Variants in IGF2R observed in about 807,000 individuals in gnomAD.
IGF2R encodes the protein insulin like growth factor 2 receptor.
In IGF2R, 91 loss-of-function variants were observed where a neutral mutation model predicts 270.6. The observed-to-expected ratio is 0.34, with a 90% CI of 0.28 to 0.40. The LOEUF (loss-of-function observed/expected upper bound fraction) is 0.40. Among genes scored for constraint, IGF2R ranks in the 10% least tolerant of loss-of-function variants. The probability of loss-of-function intolerance (pLI) is 1.00; values close to 1 mark genes in which losing one functional copy is unlikely to be tolerated. For missense variants in IGF2R, 2,805 were observed against 3,188.3 expected, an observed-to-expected ratio of 0.88 and a Z score of 2.90; for synonymous variants, 1,316 against 1,258.9, an observed-to-expected ratio of 1.05 and a Z score of -0.96.
Position 160,111,432 on chromosome 6 carries a change from C to T in IGF2R, c.*6348C>T, listed in dbSNP as rs1317605024. 6.6e-6 allele frequency: 1 copy of T among 152,078 alleles called. No individual in the cohort carries two copies. The highest frequency in any genetic ancestry group is 1.5e-5 in the Non-Finnish European group (1 of 68,042). The allele number at this position is 152,078 out of a possible 1,614,324, so 9.4% of individuals were successfully genotyped here. On this transcript the variant is annotated 3_prime_UTR_variant, in exon 48 of 48. Coordinates refer to ENST00000356956, the MANE Select transcript of IGF2R (RefSeq NM_000876.4). ...TAATATATAATAAATATATTTTCTC[C>T]TCATGATTTTCTTAAAACTTTTTCT...
intron 10 of IGF2R, among the ~76,000 whole-genome samples, chr6:160,034,787 G>A (rs943572448): frequency 1.4e-4 from 22 of 152,322 alleles, no homozygotes; most frequent in African/African-American, 5.1e-4. Flanking sequence ...CCAGCAATGA[G>A]CTTGTTGGGA....
At chr6:160,087,529 A>G (rs745384422) in intron 41 of IGF2R, among the ~76,000 whole-genome samples, 3 of 152,214 alleles carry the variant, frequency 2.0e-5, no homozygotes, top group Non-Finnish European at 2.9e-5. Flanking sequence ...GGCTGTGACA[A>G]TTGTGCAGTG....
In IGF2R at chr6:160,070,332, A is replaced by AGATTGTTGTTT. The variant is rs560200317; in HGVS notation, c.4443+277_4443+287dup. ...CTCAGACCCCTAAAGGCTGTGGAGG[A>AGATTGTTGTTT]GATTGTTGTTTGACTACATGCCCTT... On this transcript the variant is annotated intron_variant, in intron 31 of 47. Transcript: ENST00000356956. Among the ~76,000 whole-genome samples the AGATTGTTGTTT allele has an allele frequency of 2.5e-3, 385 of 152,168 alleles. 1 individual carries two copies. The highest frequency in any genetic ancestry group is 6.4e-3 in the Admixed American group (98 of 15,296).
intron 4 of IGF2R, 81 bp from the exon 5 acceptor site, chr6:160,024,491 T>C (rs1345108434): frequency 2.3e-6 from 3 of 1,329,580 alleles, no homozygotes; most frequent in Non-Finnish European, 3.2e-6. Flanking sequence ...TGGAGAGCAG[T>C]GTTGTGTGAC....
At chr6:159,986,431 T>TGTGTGTGTG (rs1554235468) in intron 1 of IGF2R, among the ~76,000 whole-genome samples, 3 of 74,116 alleles carry the variant, frequency 4.0e-5, no homozygotes, top group Non-Finnish European at 8.1e-5. Context: ...TGTGTGTGTG[T>TGTGTGTGTG]TTTTTTTTTT....
rs182469516 is a variant in IGF2R, at chr6:160,023,263, C to T, written c.514-1309C>T. Among the ~76,000 whole-genome samples the T allele has an allele frequency of 5.9e-4, 89 of 151,954 alleles. 3 individuals are homozygous for T. In the East Asian group the frequency reaches 9.8e-3, roughly 17 times the overall value. On this transcript the variant is annotated intron_variant, in intron 4 of 47. Coordinates refer to ENST00000356956, the MANE Select transcript of IGF2R (RefSeq NM_000876.4). ...TGAAGGGAGAGCTGGCAGGACTTGCCGATGGTTGGATGTAGACGTGAGAGA... is the reference window on the plus strand; with the variant it reads ...TGAAGGGAGAGCTGGCAGGACTTGCTGATGGTTGGATGTAGACGTGAGAGA...
chr6:160,048,317 A>G (rs775218658), intron 17 of IGF2R, 58 bp from the exon 18 acceptor site: 245 of 1,499,918 alleles, frequency 1.6e-4, no homozygotes, highest in Non-Finnish European at 2.2e-4. Context: ...ATAGAAATAA[A>G]TGAGACTGAA....
chr6:160,096,958 C>G (rs1458700079), intron 45 of IGF2R, among the ~76,000 whole-genome samples: 4 of 152,206 alleles, frequency 2.6e-5, no homozygotes, highest in Admixed American at 2.6e-4. Flanking sequence ...CTGCCTCCCT[C>G]TCCTTAGCTC....
chr6:160,071,959 T>G lies in IGF2R; in HGVS notation c.4493T>G (p.Phe1498Cys). ...GCCGTGGAGGACTGTGAGTACACCT[T>G]TGCCTGGCCCACAGCCACAGCCTGT... ...ISAVEDCEYT[F>C]AWPTATACPM... is the part of the protein sequence containing the mutation. Residue 1498 changes from phenylalanine (F) to cysteine (C), a missense_variant, in exon 32 of 48, where the codon TTT becomes TGT. By Grantham distance (205) the Phe-to-Cys change is radical. Coordinates refer to ENST00000356956, the MANE Select transcript of IGF2R (RefSeq NM_000876.4). 6.2e-7 allele frequency: 1 copy of G among 1,614,128 alleles called. No homozygotes were observed. Among genetic ancestry groups the G allele is most frequent in the Non-Finnish European group, 8.5e-7 (1 of 1,179,990 alleles).
At chr6:160,005,594 C>T (rs1015327626) in intron 2 of IGF2R, 4 of 152,220 alleles carry the variant, frequency 2.6e-5, no homozygotes, top group Non-Finnish European at 4.4e-5. Flanking sequence ...ACGTGACCCG[C>T]ACATTATGAG....
Position 160,078,323 on chromosome 6 carries a change from C to T in IGF2R, c.5439C>T (p.Tyr1813=). Residue 1813 remains tyrosine, a synonymous_variant, in exon 37 of 48, where the codon TAC becomes TAT. Coordinates refer to ENST00000356956, the MANE Select transcript of IGF2R (RefSeq NM_000876.4). ...GCTLTDEQLL[Y]SFNLSSLSTS... is the part of the protein sequence containing the mutation. ...CCCTGACAGATGAGCAGCTCCTCTA[C>T]AGCTTCAACTTGTCCAGCCTTTCCA... The T allele has an allele frequency of 1.2e-6, 2 of 1,614,190 alleles. No homozygotes were observed. The highest frequency in any genetic ancestry group is 1.7e-6 in the Non-Finnish European group (2 of 1,179,992).
chr6:159,969,168 G>A lies in IGF2R; in HGVS notation c.-79G>A. 1.2e-5 allele frequency: 10 copies of A among 866,200 alleles called. No homozygotes were observed. The highest frequency in any genetic ancestry group is 1.4e-5 in the Non-Finnish European group (10 of 722,392). 53.7% of individuals were successfully genotyped at this position (866,200 alleles called of 1,614,324 possible). ...CCACCTCCGCCTTTGCCCTGGCGGCGCGACCCCGTCCCGGGCGCGGCCCCC... is the reference window on the plus strand; with the variant it reads ...CCACCTCCGCCTTTGCCCTGGCGGCACGACCCCGTCCCGGGCGCGGCCCCC... On this transcript the variant is annotated 5_prime_UTR_variant, in exon 1 of 48. Transcript: ENST00000356956.
At chr6:160,020,837 A>G (rs1478145909) in intron 4 of IGF2R, among the ~76,000 whole-genome samples, 1 of 152,254 alleles carries the variant, frequency 6.6e-6, no homozygotes, top group African/African-American at 2.4e-5. Flanking sequence ...GCCTGAAACT[A>G]TAAAATTCCC....
Position 159,991,341 on chromosome 6 carries a change from A to G in IGF2R, c.289+18A>G. 6.2e-7 allele frequency: 1 copy of G among 1,603,710 alleles called. No individual in the cohort carries two copies. The highest frequency in any genetic ancestry group is 8.5e-7 in the Non-Finnish European group (1 of 1,174,202). On this transcript the variant is annotated intron_variant, in intron 2 of 47. Coordinates refer to ENST00000356956, the MANE Select transcript of IGF2R (RefSeq NM_000876.4). Reference sequence around the variant, plus strand: ...TTCAGTGGGTAAGTAGAACTACCTGAAATTACTGGATTGGCAATATGATTC... The same window carrying G: ...TTCAGTGGGTAAGTAGAACTACCTGGAATTACTGGATTGGCAATATGATTC...
chr6:160,006,666 C>T (rs1784244412), intron 2 of IGF2R: 1 of 152,248 alleles, frequency 6.6e-6, no homozygotes, highest in Non-Finnish European at 1.5e-5. Flanking sequence ...CGTGGTCCGC[C>T]CCTGCCCCAA....
intron 42 of IGF2R, among the ~76,000 whole-genome samples, 160 bp from the exon 43 acceptor site, chr6:160,088,947 A>C (rs1050918568): frequency 6.6e-6 from 1 of 152,204 alleles, no homozygotes; most frequent in African/African-American, 2.4e-5. Flanking sequence ...AGGCCTGCGC[A>C]GCCCGGGGAG....
rs149254379 is a variant in IGF2R, at chr6:160,064,472, C to T, written c.3958C>T (p.His1320Tyr). The change falls in exon 28 of 48, where the codon CAT (histidine) becomes TAT (tyrosine). Residue 1320 changes from histidine to tyrosine, a missense_variant. His to Tyr is a moderately conservative substitution (Grantham distance 83). This residue lies in a region of IGF2R where 1,851 missense variants were observed against 2,207.2 expected (regional missense o/e 0.84). Transcript: ENST00000356956. Reference protein sequence around the residue: ...KMNFTGGDTCHKVYQRSTAIF... With the variant: ...KMNFTGGDTCYKVYQRSTAIF... ...GAACTTCACGGGGGGGGACACTTGC[C>T]ATAAGGTTTATCAGCGCTCCACAGC... 1.1e-5 allele frequency: 17 copies of T among 1,614,012 alleles called. No homozygotes were observed. In the African/African-American group the frequency reaches 1.2e-4, roughly 11 times the overall value.
chr6:160,015,296 GA>G (rs1735997403), intron 4 of IGF2R, among the ~76,000 whole-genome samples: 1 of 152,164 alleles, frequency 6.6e-6, no homozygotes, highest in South Asian at 2.1e-4. Flanking sequence ...TGAAGTTTTA[GA>G]ATATTCTTTG....
chr6:160,020,600 C>G (rs1459710358), intron 4 of IGF2R, among the ~76,000 whole-genome samples: 1 of 152,164 alleles, frequency 6.6e-6, no homozygotes, highest in Non-Finnish European at 1.5e-5. Context: ...AATAGACACA[C>G]AGATTAATGG....
Sources: gnomAD v4.1 joint callset for allele counts (sites outside exome capture counted in the v4.1 genomes callset) on GRCh38, gnomAD v4.1.1 for gene constraint, gnomAD v4.1.1 regional missense constraint, MANE v1.5 for transcripts, NCBI Gene and HGNC (gene_info 2026-07-23, HGNC 2026-07-21) for gene names.